The following MCTP1 variants were observed in gnomAD, a reference collection of about 807,000 sequenced individuals.
The protein encoded by MCTP1 is multiple C2 and transmembrane domain-containing protein 1.
MCTP1 carries 69 observed loss-of-function variants against 120.6 expected under a neutral mutation model. The ratio of observed to expected loss-of-function variants is 0.57; its 90% confidence interval spans 0.47 to 0.70. The LOEUF (loss-of-function observed/expected upper bound fraction) is 0.70. MCTP1 is among the 30% of genes least tolerant of loss of function. MCTP1 has a pLI of 0.00. For missense variants in MCTP1, 1,203 were observed against 1,248.8 expected, an observed-to-expected ratio of 0.96 and a Z score of 0.55; for synonymous variants, 529 against 493.1, an observed-to-expected ratio of 1.07 and a Z score of -0.96.
At chr5:94,914,912 A>T (rs559028442) in intron 8 of MCTP1, among the ~76,000 whole-genome samples, 2 of 152,318 alleles carry the variant, frequency 1.3e-5, no homozygotes, top group Admixed American at 1.3e-4. Flanking sequence ...ATCCAGCTGT[A>T]GATTTTGGTG....
chr5:94,957,373 A>AC (rs1440140724), intron 2 of MCTP1, among the ~76,000 whole-genome samples: 15 of 152,332 alleles, frequency 9.8e-5, no homozygotes, highest in African/African-American at 3.4e-4. Context: ...GGGCGAAATA[A>AC]CCAGCTAGCA....
Position 94,859,728 on chromosome 5 carries a change from T to C in MCTP1, c.2436+8605A>G, listed in dbSNP as rs1795383854. Among the ~76,000 whole-genome samples, 3 of 151,772 alleles carry C rather than the reference T, an allele frequency of 2.0e-5. No homozygotes were observed. The South Asian group carries it at 6.2e-4, about 31-fold the overall frequency. On this transcript the variant is annotated intron_variant, in intron 17 of 22. Transcript: ENST00000515393. ...CTTCTACATTTATGAATTACTTTTCTGAGTGCTACCCATCACTCTACTAAC... is the reference window on the plus strand; with the variant it reads ...CTTCTACATTTATGAATTACTTTTCCGAGTGCTACCCATCACTCTACTAAC...
chr5:95,270,353 A>C (rs1454966783), intron 1 of MCTP1, among the ~76,000 whole-genome samples: 1 of 152,254 alleles, frequency 6.6e-6, no homozygotes. Context: ...CTCATTTGTA[A>C]AATGCAGAAG....
At chr5:94,943,975 A>G (rs1300403421) in intron 3 of MCTP1, among the ~76,000 whole-genome samples, 1 of 152,116 alleles carries the variant, frequency 6.6e-6, no homozygotes, top group Non-Finnish European at 1.5e-5. Flanking sequence ...CAGCACTCCT[A>G]TGCTCAATTC....
At chr5:94,864,434 C>T (rs1349083375) in intron 17 of MCTP1, among the ~76,000 whole-genome samples, 1 of 151,744 alleles carries the variant, frequency 6.6e-6, no homozygotes, top group African/African-American at 2.4e-5. Context: ...CATTAAAGTA[C>T]CAAATTTAAA....
chr5:94,861,753 G>A (rs890829689), intron 17 of MCTP1, among the ~76,000 whole-genome samples: 5 of 151,826 alleles, frequency 3.3e-5, no homozygotes, highest in African/African-American at 4.8e-5. Context: ...GGAACAGGTA[G>A]TGAGACATCT....
At position 94,953,272 on chromosome 5, in the gene MCTP1, C is replaced by G; in HGVS notation, c.928G>C (p.Glu310Gln). ...TCAACCAGAATACAAGCTTTTTCTT[C>G]CCACACAGGGTTGAGGTTCTTGTGT... is the stretch of plus-strand genomic sequence containing the variant. Reference protein sequence around the residue: ...IIHKNLNPVWEEKACILVDHL... With the variant: ...IIHKNLNPVWQEKACILVDHL... The change falls in exon 3 of 23, where the codon GAA (glutamate) becomes CAA (glutamine). Residue 310 changes from glutamate (E) to glutamine (Q), a missense_variant. By Grantham distance (29) the Glu-to-Gln change is conservative. This residue lies in a region of MCTP1 where 740 missense variants were observed against 871.1 expected (regional missense o/e 0.85). Transcript: ENST00000515393. 1 of 1,612,604 alleles carries G rather than the reference C, an allele frequency of 6.2e-7. No homozygotes were observed. Among genetic ancestry groups the G allele is most frequent in the Non-Finnish European group, 8.5e-7 (1 of 1,179,304 alleles).
intron 1 of MCTP1, among the ~76,000 whole-genome samples, chr5:95,177,643 G>A (rs1365788403): frequency 1.3e-5 from 2 of 152,196 alleles, no homozygotes; most frequent in Non-Finnish European, 1.5e-5. Flanking sequence ...AAGGAGTAAC[G>A]TGATTGGTCA....
At chr5:94,844,198 G>A (rs1168881232) in intron 17 of MCTP1, among the ~76,000 whole-genome samples, 2 of 150,226 alleles carry the variant, frequency 1.3e-5, no homozygotes, top group African/African-American at 2.4e-5. Flanking sequence ...AGCTACTTGG[G>A]AGGCTGAGGC....
At chr5:94,901,773 C>G (rs1045494300) in intron 10 of MCTP1, among the ~76,000 whole-genome samples, 1 of 152,140 alleles carries the variant, frequency 6.6e-6, no homozygotes, top group Non-Finnish European at 1.5e-5. Flanking sequence ...TGTCTCTGAA[C>G]CAGTGACTCA....
chr5:95,280,020 CT>C lies in MCTP1; in HGVS notation c.720+3835del, dbSNP rs1359439803. ...AATTATGTTTTTAAATCTGTGCCTTCTTTAAGATGGAGTTGTGTTCTTTGAA... is the reference window on the plus strand; with the variant it reads ...AATTATGTTTTTAAATCTGTGCCTTCTTAAGATGGAGTTGTGTTCTTTGAA... On this transcript the variant is annotated intron_variant, in intron 1 of 22. Transcript: ENST00000515393. Among the ~76,000 whole-genome samples, 3 of 152,260 alleles carry C rather than the reference CT, an allele frequency of 2.0e-5. No individual in the cohort carries two copies. The East Asian group carries it at 5.8e-4, about 29-fold the overall frequency.
chr5:94,913,033 T>C (rs1809158142), intron 8 of MCTP1, 57 bp from the exon 9 acceptor site: 2 of 1,380,842 alleles, frequency 1.4e-6, no homozygotes, highest in African/African-American at 3.0e-5. Context: ...AAAACCTCAT[T>C]TTGGCGTTAC....
chr5:95,046,855 A>G (rs746037575), intron 1 of MCTP1, among the ~76,000 whole-genome samples: 1 of 152,184 alleles, frequency 6.6e-6, no homozygotes. Flanking sequence ...TGACAGACTC[A>G]TCTTTGCTGA....
intron 17 of MCTP1, among the ~76,000 whole-genome samples, chr5:94,860,743 G>A (rs1282062254): frequency 6.6e-6 from 1 of 151,400 alleles, no homozygotes; most frequent in Non-Finnish European, 1.5e-5. Flanking sequence ...TGGTTCTTGA[G>A]CTGGGGCGGG....
At chr5:94,990,072 C>A (rs529306289) in intron 2 of MCTP1, among the ~76,000 whole-genome samples, 1 of 152,112 alleles carries the variant, frequency 6.6e-6, no homozygotes, top group East Asian at 1.9e-4. Flanking sequence ...AAAAAGGGGA[C>A]GGTACAATCT....
chr5:94,939,988 A>C (rs1817176074), intron 5 of MCTP1, 96 bp downstream of exon 5: 1 of 617,056 alleles, frequency 1.6e-6, no homozygotes, highest in Non-Finnish European at 2.8e-6. Flanking sequence ...GCATATTTTC[A>C]TAGGCAGCTT....
chr5:95,146,942 T>C (rs1318310603), intron 1 of MCTP1, among the ~76,000 whole-genome samples: 1 of 152,222 alleles, frequency 6.6e-6, no homozygotes, highest in Non-Finnish European at 1.5e-5. Context: ...GTTAGTTTTA[T>C]GCCTCAATGA....
chr5:95,188,285 G>A (rs1016133489), intron 1 of MCTP1, among the ~76,000 whole-genome samples: 3 of 152,128 alleles, frequency 2.0e-5, no homozygotes, highest in Non-Finnish European at 2.9e-5. Context: ...TGAGAAGTTG[G>A]CTCACCGGTG....
Position 94,791,519 on chromosome 5 carries a change from T to A in MCTP1, c.2556+7494A>T, listed in dbSNP as rs78546465. Reference sequence around the variant, plus strand: ...CTAAAATACACACACACACACACACTCATATAGTGAAAATTGTATAGAAAT... The same window carrying A: ...CTAAAATACACACACACACACACACACATATAGTGAAAATTGTATAGAAAT... On this transcript the variant is annotated intron_variant, in intron 18 of 22. Transcript: ENST00000515393. 3.9e-4 allele frequency among the ~76,000 whole-genome samples: 17 copies of A among 43,374 alleles called. No homozygotes were observed. The South Asian group carries it at 0.012, about 30-fold the overall frequency. The allele number at this position is 43,374 out of a possible 152,430, so 28.5% of individuals were successfully genotyped here. A position where few individuals can be genotyped will look rare whatever the true frequency, so the allele number is the denominator to read the frequency against.
Sources: allele counts gnomAD v4.1 joint callset (sites outside exome capture counted in the v4.1 genomes callset), GRCh38; gene constraint gnomAD v4.1.1; regional missense constraint gnomAD v4.1.1; transcripts MANE v1.5; gene names NCBI Gene and HGNC (gene_info 2026-07-23, HGNC 2026-07-21).